The following SORCS2 variants were observed in gnomAD, a reference collection of about 807,000 sequenced individuals.
SORCS2 encodes the protein VPS10 domain-containing receptor SorCS2.
Under a neutral mutation model 141.6 loss-of-function variants are expected in SORCS2, and 100 were observed. That is an observed-to-expected ratio of 0.71 (90% CI 0.60 to 0.83). The LOEUF is 0.83. Among genes scored for constraint, SORCS2 ranks in the 40% least tolerant of loss-of-function variants. The pLI, the probability that SORCS2 is intolerant of heterozygous loss-of-function variation, is 0.00. For synonymous variants in SORCS2, 789 were observed against 676.9 expected (o/e 1.17, Z -2.57); for missense variants, 1,646 against 1,560.2 (o/e 1.05, Z -0.93).
chr4:7,478,873 C>T (rs774514388), intron 2 of SORCS2, among the ~76,000 whole-genome samples: 9 of 152,324 alleles, frequency 5.9e-5, no homozygotes, highest in Admixed American at 2.0e-4. Context: ...GGGGACCCTT[C>T]GGCTCTGTGT....
intron 3 of SORCS2, among the ~76,000 whole-genome samples, chr4:7,550,538 T>C (rs1713621442): frequency 6.6e-6 from 1 of 152,092 alleles, no homozygotes; most frequent in Non-Finnish European, 1.5e-5. Context: ...TGAGATAGAA[T>C]TGAAAACAGG....
At chr4:7,416,736 A>G (rs200209606) in intron 2 of SORCS2, among the ~76,000 whole-genome samples, 5 of 145,094 alleles carry the variant, frequency 3.4e-5, no homozygotes, top group Non-Finnish European at 6.1e-5. Context: ...ACACACACGC[A>G]TGCACACACA....
intron 5 of SORCS2, among the ~76,000 whole-genome samples, chr4:7,658,257 GAGTGAATGAGTCTGTGATTGAGCA>G (rs61728565): frequency 0.04 from 6,135 of 152,118 alleles, 395 homozygotes; most frequent in African/African-American, 0.14. Context: ...ATGAGTGAGT[GAGTGAATGAGTCTGTGATTGAGCA>G]AGTGAATGAG....
At chr4:7,245,559 T>C (rs1295786886) in intron 1 of SORCS2, among the ~76,000 whole-genome samples, 1 of 152,232 alleles carries the variant, frequency 6.6e-6, no homozygotes, top group Non-Finnish European at 1.5e-5. Context: ...GGTTTCTCCA[T>C]CTGTGAAGTG....
intron 1 of SORCS2, among the ~76,000 whole-genome samples, chr4:7,299,038 G>A (rs1026021737): frequency 7.2e-5 from 11 of 152,264 alleles, no homozygotes; most frequent in African/African-American, 2.4e-4. Flanking sequence ...TTCTGGCCCC[G>A]CCACCCCCTC....
intron 1 of SORCS2, among the ~76,000 whole-genome samples, chr4:7,252,952 C>T (rs1713605240): frequency 6.6e-6 from 1 of 152,242 alleles, no homozygotes; most frequent in Admixed American, 6.5e-5. Context: ...CAGATGGAGC[C>T]TCAGGAAGCT....
At chr4:7,418,811 T>G (rs1725864136) in intron 2 of SORCS2, among the ~76,000 whole-genome samples, 2 of 152,062 alleles carry the variant, frequency 1.3e-5, no homozygotes, top group Non-Finnish European at 2.9e-5. Context: ...CTTTGGTTAT[T>G]GACTGGGCTC....
chr4:7,470,829 C>T (rs897909672), intron 2 of SORCS2, among the ~76,000 whole-genome samples: 8 of 152,246 alleles, frequency 5.3e-5, no homozygotes, highest in African/African-American at 1.7e-4. Flanking sequence ...CCTGCATGAG[C>T]TCATTGCTGC....
At chr4:7,703,412 G>A (rs1224854569) in intron 13 of SORCS2, 41 bp downstream of exon 13, 1 of 1,549,134 alleles carries the variant, frequency 6.5e-7, no homozygotes. Context: ...AGGGCAGGCT[G>A]GGGCTCTTTC....
At chr4:7,495,159 G>A (rs543297081) in intron 2 of SORCS2, among the ~76,000 whole-genome samples, 2 of 152,366 alleles carry the variant, frequency 1.3e-5, no homozygotes, top group South Asian at 4.1e-4. Context: ...CATCACTGCA[G>A]CCTCAGCGTC....
chr4:7,558,542 C>T (rs1209371063), intron 3 of SORCS2, among the ~76,000 whole-genome samples: 1 of 152,212 alleles, frequency 6.6e-6, no homozygotes, highest in African/African-American at 2.4e-5. Flanking sequence ...AGGTGAGATG[C>T]CAGCTCCCTC....
At chr4:7,536,757 T>C (rs1712155644) in intron 3 of SORCS2, among the ~76,000 whole-genome samples, 1 of 151,700 alleles carries the variant, frequency 6.6e-6, no homozygotes, top group Non-Finnish European at 1.5e-5. Context: ...TCTTGATCCC[T>C]TCTGCTACCC....
chr4:7,261,917 A>C (rs1225151734), intron 1 of SORCS2, among the ~76,000 whole-genome samples: 1 of 152,244 alleles, frequency 6.6e-6, no homozygotes, highest in Non-Finnish European at 1.5e-5. Flanking sequence ...TCGACTGGGA[A>C]ATTTGCATTA....
At chr4:7,276,554 C>T (rs951184871) in intron 1 of SORCS2, among the ~76,000 whole-genome samples, 5 of 152,144 alleles carry the variant, frequency 3.3e-5, no homozygotes, top group African/African-American at 7.2e-5. Flanking sequence ...CTTATTGCTG[C>T]CGCTTCCTGC....
Position 7,440,738 on chromosome 4 carries a change from T to A in SORCS2, c.548+44383T>A, listed in dbSNP as rs566796545. ...TCCTCCCCTCTGCCCTTCCCAAGTCTCCTGGGGGACCCTCCTGTCCCTCTC... is the reference window on the plus strand; with the variant it reads ...TCCTCCCCTCTGCCCTTCCCAAGTCACCTGGGGGACCCTCCTGTCCCTCTC... On this transcript the variant is annotated intron_variant, in intron 2 of 26. Coordinates refer to ENST00000507866, the MANE Select transcript of SORCS2 (RefSeq NM_020777.3). Among the ~76,000 whole-genome samples, 3 of 152,276 alleles carry A rather than the reference T, an allele frequency of 2.0e-5. No homozygotes were observed. In the East Asian group the frequency reaches 5.8e-4, roughly 29 times the overall value.
intron 2 of SORCS2, among the ~76,000 whole-genome samples, chr4:7,501,609 G>A (rs559792825): frequency 6.6e-5 from 10 of 152,152 alleles, no homozygotes; most frequent in Non-Finnish European, 7.3e-5. Flanking sequence ...GAGGCTTCTC[G>A]CACCCGGTCT....
At chr4:7,227,084 C>G (rs1197552825) in intron 1 of SORCS2, among the ~76,000 whole-genome samples, 1 of 152,224 alleles carries the variant, frequency 6.6e-6, no homozygotes, top group Non-Finnish European at 1.5e-5. Flanking sequence ...TGTGGGTACT[C>G]TTACGCACTT....
intron 2 of SORCS2, among the ~76,000 whole-genome samples, chr4:7,500,862 G>T (rs552416239): frequency 6.6e-6 from 1 of 152,192 alleles, no homozygotes; most frequent in Non-Finnish European, 1.5e-5. Context: ...CTGGGAGCCA[G>T]CCTGCGGGCA....
At chr4:7,216,104 T>C (rs918042576) in intron 1 of SORCS2, among the ~76,000 whole-genome samples, 17 of 152,178 alleles carry the variant, frequency 1.1e-4, no homozygotes, top group Admixed American at 3.9e-4. Flanking sequence ...GCTTCACTCC[T>C]GAAGCCAGAG....
Sources: allele counts gnomAD v4.1 joint callset (sites outside exome capture counted in the v4.1 genomes callset), GRCh38; gene constraint gnomAD v4.1.1; transcripts MANE v1.5; gene names NCBI Gene and HGNC (gene_info 2026-07-23, HGNC 2026-07-21).